CELF4: variants seen among roughly 807,000 people sequenced by gnomAD.
CELF4 encodes the protein CUGBP Elav-like family member 4.
Under a neutral mutation model 59.9 loss-of-function variants are expected in CELF4, and 18 were observed. That is an observed-to-expected ratio of 0.30 (90% CI 0.21 to 0.45). The LOEUF is 0.45. Among genes scored for constraint, CELF4 ranks in the 20% least tolerant of loss-of-function variants. CELF4 has a pLI of 1.00. For synonymous variants in CELF4, 261 were observed against 267.1 expected (o/e 0.98, Z 0.22); for missense variants, 456 against 689.0 (o/e 0.66, Z 3.79).
intron 2 of CELF4, among the ~76,000 whole-genome samples, chr18:37,352,300 T>TAC (rs886900567): frequency 1.8e-4 from 27 of 152,128 alleles, no homozygotes; most frequent in African/African-American, 6.3e-4. Flanking sequence ...CGTGAGAGCT[T>TAC]ACACACACTA....
At chr18:37,511,828 T>C (rs554173080) in intron 1 of CELF4, among the ~76,000 whole-genome samples, 12 of 152,170 alleles carry the variant, frequency 7.9e-5, no homozygotes, top group African/African-American at 2.6e-4. Context: ...TATAAATACT[T>C]TGACAAATGG....
chr18:37,382,395 C>A (rs1272937690), intron 2 of CELF4, among the ~76,000 whole-genome samples: 1 of 152,162 alleles, frequency 6.6e-6, no homozygotes, highest in Non-Finnish European at 1.5e-5. Context: ...TCAGACCTGC[C>A]CTCCTGACAC....
chr18:37,319,229 G>A (rs1207713267), intron 3 of CELF4, among the ~76,000 whole-genome samples: 3 of 152,200 alleles, frequency 2.0e-5, no homozygotes, highest in Non-Finnish European at 2.9e-5. Context: ...TGCCCTGGAC[G>A]AGGCTGAGTG....
chr18:37,492,040 C>T (rs1424513216), intron 1 of CELF4, among the ~76,000 whole-genome samples: 1 of 152,174 alleles, frequency 6.6e-6, no homozygotes, highest in Non-Finnish European at 1.5e-5. Flanking sequence ...TCTCCCTCCT[C>T]CCACCCCAGC....
intron 1 of CELF4, among the ~76,000 whole-genome samples, chr18:37,491,075 A>G (rs949964145): frequency 6.6e-6 from 1 of 152,160 alleles, no homozygotes; most frequent in African/African-American, 2.4e-5. Context: ...GTCACACCAC[A>G]GTGCTGCCCT....
At chr18:37,547,592 G>A (rs1205730118) in intron 1 of CELF4, among the ~76,000 whole-genome samples, 5 of 152,146 alleles carry the variant, frequency 3.3e-5, no homozygotes, top group African/African-American at 7.2e-5. Flanking sequence ...GTGGGTTGAC[G>A]CAGAAGGGAG....
chr18:37,452,355 G>A (rs974575938), intron 2 of CELF4, among the ~76,000 whole-genome samples: 6 of 151,866 alleles, frequency 4.0e-5, no homozygotes, highest in Admixed American at 1.3e-4. Flanking sequence ...GGAAACAGGC[G>A]GTGCCTGCCC....
intron 3 of CELF4, among the ~76,000 whole-genome samples, chr18:37,308,796 A>C (rs2096542090): frequency 6.6e-6 from 1 of 152,142 alleles, no homozygotes; most frequent in African/African-American, 2.4e-5. Flanking sequence ...TGACCTCTAG[A>C]TTTCTGCAAA....
intron 3 of CELF4, among the ~76,000 whole-genome samples, chr18:37,292,035 TAAAA>T (rs10565799): frequency 6.7e-6 from 1 of 148,414 alleles, no homozygotes; most frequent in African/African-American, 2.5e-5. Context: ...AGCACCCTTA[TAAAA>T]AAAAAAAAGA....
chr18:37,522,833 C>T (rs1346159417), intron 1 of CELF4, among the ~76,000 whole-genome samples: 2 of 152,126 alleles, frequency 1.3e-5, no homozygotes, highest in African/African-American at 4.8e-5. Flanking sequence ...ATCTGTTTGG[C>T]CTGCCTCAAG....
intron 2 of CELF4, among the ~76,000 whole-genome samples, chr18:37,352,777 G>A (rs576155610): frequency 1.3e-5 from 2 of 152,212 alleles, no homozygotes; most frequent in South Asian, 2.1e-4. Context: ...GGGGAATTTA[G>A]GCAGGAAAGT....
Position 37,270,908 on chromosome 18 carries a change from G to T in CELF4, c.959C>A (p.Thr320Asn), listed in dbSNP as rs2090903285. The change falls in exon 8 of 13, where the codon ACC becomes AAC. Residue 320 changes from threonine (T) to asparagine (N), a missense_variant. Physicochemically the swap from Thr to Asn is moderately conservative, Grantham distance 65 (BLOSUM62 0). Coordinates refer to ENST00000420428, the MANE Select transcript of CELF4 (RefSeq NM_020180.4). ...GGCTGGTGCAGTGATGCCCGGAGGG[G>T]TGCTGCCACCTGGTTCCAGGCATAC... ...APMTPTSGGS[T>N]PPGITAPAVP... 1.2e-6 allele frequency: 2 copies of T among 1,607,694 alleles called. No homozygotes were observed. The highest frequency in any genetic ancestry group is 1.7e-6 in the Non-Finnish European group (2 of 1,176,884).
At chr18:37,308,157 C>T (rs1029541516) in intron 3 of CELF4, among the ~76,000 whole-genome samples, 1 of 152,042 alleles carries the variant, frequency 6.6e-6, no homozygotes, top group Non-Finnish European at 1.5e-5. Context: ...CCTCTAATTC[C>T]CTTTCCAGTG....
intron 1 of CELF4, among the ~76,000 whole-genome samples, chr18:37,531,815 G>A (rs76216781): frequency 0.016 from 2,401 of 152,268 alleles, 69 homozygotes; most frequent in African/African-American, 0.054. Context: ...CCTGAGATCC[G>A]GGTGCAGTTA....
chr18:37,512,077 A>G (rs1434268177), intron 1 of CELF4, among the ~76,000 whole-genome samples: 1 of 152,230 alleles, frequency 6.6e-6, no homozygotes, highest in Non-Finnish European at 1.5e-5. Context: ...ACAAAGCAGC[A>G]GTCTGGGGCC....
chr18:37,288,574 T>C (rs545401124), intron 3 of CELF4, among the ~76,000 whole-genome samples: 2 of 152,312 alleles, frequency 1.3e-5, no homozygotes, highest in South Asian at 4.1e-4. Context: ...AGCCAGACTT[T>C]GAACCAGGTG....
intron 2 of CELF4, among the ~76,000 whole-genome samples, chr18:37,434,779 G>A (rs1017548084): frequency 6.6e-6 from 1 of 152,078 alleles, no homozygotes; most frequent in Non-Finnish European, 1.5e-5. Context: ...GAGTAGGGAG[G>A]AGAATCTGGT....
chr18:37,437,655 G>C (rs11659173), intron 2 of CELF4, among the ~76,000 whole-genome samples: 2 of 152,144 alleles, frequency 1.3e-5, no homozygotes, highest in Admixed American at 1.3e-4. Flanking sequence ...GATCTCTGGC[G>C]AGGACACATC....
intron 2 of CELF4, among the ~76,000 whole-genome samples, chr18:37,425,246 C>T (rs1334695061): frequency 6.6e-6 from 1 of 152,202 alleles, no homozygotes. Context: ...CTACCGGCCT[C>T]GTGTGTGGGC....
Sources: allele counts gnomAD v4.1 joint callset (sites outside exome capture counted in the v4.1 genomes callset), GRCh38; gene constraint gnomAD v4.1.1; transcripts MANE v1.5; gene names NCBI Gene and HGNC (gene_info 2026-07-23, HGNC 2026-07-21).